Variants in GDF1 observed in about 807,000 individuals in gnomAD.
The protein encoded by GDF1 is embryonic growth/differentiation factor 1.
Under a neutral mutation model 7.4 loss-of-function variants are expected in GDF1, and 8 were observed. That is an observed-to-expected ratio of 1.09 (90% CI 0.64 to 1.96). GDF1 has a LOEUF of 1.96. GDF1 is among the 30% of genes most tolerant of loss of function. The pLI is 0.00. For synonymous variants in GDF1, 311 were observed against 276.7 expected (o/e 1.12, Z -1.23); for missense variants, 574 against 551.5 (o/e 1.04, Z -0.41).
chr19:18,877,071 T>C (rs914178779), intron 6 of GDF1, among the ~76,000 whole-genome samples: 2 of 152,228 alleles, frequency 1.3e-5, no homozygotes, highest in Non-Finnish European at 2.9e-5. Flanking sequence ...TCCTGTTTTA[T>C]ACCCAACTGC....
Position 18,869,227 on chromosome 19 carries a change from C to T in GDF1, c.489G>A (p.Trp163Ter). The T allele has an allele frequency of 7.2e-7, 1 of 1,381,314 alleles. No homozygotes were observed. The highest frequency in any genetic ancestry group is 9.3e-7 in the Non-Finnish European group (1 of 1,078,522). The allele number at this position is 1,381,314 out of a possible 1,614,324, so 85.6% of individuals were successfully genotyped here. A position where few individuals can be genotyped will look rare whatever the true frequency, so the allele number is the denominator to read the frequency against. Reference protein sequence around the residue: ...AAAAAAPEGGWELSVAQAGQG... With the variant: ...AAAAAAPEGG ...GGCCCGCTTGCGCCACGCTCAGCTC[C>T]CAGCCGCCCTCCGGGGCTGCCGCCG... Residue 163 changes from tryptophan (W) to a stop codon, truncating the protein, a stop_gained, in exon 8 of 8, where the codon TGG (tryptophan) becomes TGA (stop). Coordinates refer to ENST00000247005, the MANE Select transcript of GDF1 (RefSeq NM_001492.6). LOFTEE classifies it low-confidence loss of function (END_TRUNC).
At chr19:18,873,790 G>A (rs1371040788) in intron 6 of GDF1, among the ~76,000 whole-genome samples, 9 of 148,850 alleles carry the variant, frequency 6.0e-5, no homozygotes, top group Non-Finnish European at 1.5e-5. Flanking sequence ...GCAGTGAGCC[G>A]AGATCTCACC....
In GDF1 at chr19:18,870,372, G is replaced by A. The variant is rs2145989963; in HGVS notation, c.-65C>T. 1 of 1,530,884 alleles carries A rather than the reference G, an allele frequency of 6.5e-7. No individual in the cohort carries two copies. The allele number at this position is 1,530,884 out of a possible 1,614,324, so 94.8% of individuals were successfully genotyped here. A position where few individuals can be genotyped will look rare whatever the true frequency, so the allele number is the denominator to read the frequency against. On this transcript the variant is annotated 5_prime_UTR_variant, in exon 7 of 8. Coordinates refer to ENST00000247005, the MANE Select transcript of GDF1 (RefSeq NM_001492.6). The surrounding 1 kb of genome is among the most constrained non-coding windows in gnomAD (Gnocchi z 5.1). The stretch of plus-strand genomic sequence containing the variant: ...CGGCGGCCCGGGACCAGTGGGCTGA[G>A]GGCGGGGCCGGTGTCCCCGGAGGGG...
In GDF1 at chr19:18,893,572, G is replaced by C; in HGVS notation, c.-1070C>G. 2 of 1,607,098 alleles carry C rather than the reference G, an allele frequency of 1.2e-6. No individual in the cohort carries two copies. Among genetic ancestry groups the C allele is most frequent in the Non-Finnish European group, 1.7e-6 (2 of 1,177,672 alleles). ...GGCTGGAGGCAGCACCGCTTCGCCA[G>C]GGGCTATGGGGGAGAAGACAGGCGG... On this transcript the variant is annotated 5_prime_UTR_variant, in exon 2 of 8. Transcript: ENST00000247005.
chr19:18,870,000 C>T lies in GDF1; in HGVS notation c.308G>A (p.Arg103His). 6.3e-7 allele frequency: 1 copy of T among 1,595,504 alleles called. No individual in the cohort carries two copies. The change falls in exon 7 of 8, where the codon CGC (arginine) becomes CAC (histidine). Residue 103 changes from arginine to histidine, a missense_variant. Physicochemically the swap from Arg to His is conservative, Grantham distance 29. Transcript: ENST00000247005. ...EELGVAGNIV[R>H]HIPDRGAPTR... ...CCACTCACCGCGGTCCGGGATGTGG[C>T]GCACGATGTTTCCGGCGACCCCCAG...
chr19:18,882,612 G>A (rs1459651921), intron 3 of GDF1, among the ~76,000 whole-genome samples: 2 of 151,228 alleles, frequency 1.3e-5, no homozygotes, highest in Non-Finnish European at 2.9e-5. Context: ...ACTCCAGCCT[G>A]GGCGACAGAG....
At chr19:18,884,386 G>A in intron 2 of GDF1, 119 bp from the exon 3 acceptor site, 1 of 891,248 alleles carries the variant, frequency 1.1e-6, no homozygotes, top group South Asian at 1.9e-5. Flanking sequence ...AACCATGCGT[G>A]TCTGACTGCT....
At position 18,870,276 on chromosome 19, in the gene GDF1, T is replaced by A. The variant is rs1310675843; in HGVS notation, c.32A>T (p.His11Leu). 41 of 1,547,780 alleles carry A rather than the reference T, an allele frequency of 2.6e-5. No homozygotes were observed. Among genetic ancestry groups the A allele is most frequent in the Non-Finnish European group, 3.5e-5 (40 of 1,148,644 alleles). MPPPQQGPCG[H>L]HLLLLLALLL... Reference sequence around the variant, plus strand: ...CAGGGCCAGGAGGAGGAGGAGGTGGTGGCCGCAGGGACCTTGCTGCGGCGG... The same window carrying A: ...CAGGGCCAGGAGGAGGAGGAGGTGGAGGCCGCAGGGACCTTGCTGCGGCGG... Residue 11 changes from histidine (H) to leucine (L), a missense_variant, in exon 7 of 8, where the codon CAC becomes CTC. By Grantham distance (99) the His-to-Leu change is moderately conservative (BLOSUM62 -3). Transcript: ENST00000247005. This position sits in a 1 kb window ranked among gnomAD's most constrained non-coding sequence, Gnocchi z 5.1.
rs1402410209 is a variant in GDF1 at position 18,869,909 on chromosome 19, C to T, written c.325+74G>A. On this transcript the variant is annotated intron_variant, in intron 7 of 7. Transcript: ENST00000247005. ...GACCCTCGGAGCTGCTCGGGCATCC[C>T]CGGGCCACTCTCGAGGCTCGCCCTG... is the stretch of plus-strand genomic sequence containing the variant. The T allele has an allele frequency of 2.1e-6, 3 of 1,451,738 alleles. No individual in the cohort carries two copies. In the East Asian group the frequency reaches 7.4e-5, roughly 36 times the overall value. The allele number at this position is 1,451,738 out of a possible 1,614,324, so 89.9% of individuals were successfully genotyped here. A position where few individuals can be genotyped will look rare whatever the true frequency, so the allele number is the denominator to read the frequency against.
At chr19:18,872,559 A>AG (rs1314728217) in intron 6 of GDF1, among the ~76,000 whole-genome samples, 7 of 147,652 alleles carry the variant, frequency 4.7e-5, no homozygotes, top group Middle Eastern at 3.6e-3. Context: ...CTTGTCCCCC[A>AG]GGCGGGAATG....
rs760913694 is a variant in GDF1, at chr19:18,884,072, C to T, written c.-733+15G>A. On this transcript the variant is annotated intron_variant, in intron 3 of 7. Transcript: ENST00000247005. ...GGCTGTGCCTCGGCCCCCTGCCACCCGATCCTGTCCTTACCGGAAGGCGTA... is the reference window on the plus strand; with the variant it reads ...GGCTGTGCCTCGGCCCCCTGCCACCTGATCCTGTCCTTACCGGAAGGCGTA... 73 of 1,604,480 alleles carry T rather than the reference C, an allele frequency of 4.5e-5. No individual in the cohort carries two copies. Among genetic ancestry groups the T allele is most frequent in the Middle Eastern group, 1.7e-4 (1 of 6,048 alleles).
In GDF1 at chr19:18,870,563, C is replaced by T; in HGVS notation, c.-256G>A. The T allele has an allele frequency of 6.8e-6, 1 of 147,964 alleles. No homozygotes were observed. 9.2% of individuals were successfully genotyped at this position (147,964 alleles called of 1,614,324 possible). On this transcript the variant is annotated 5_prime_UTR_variant, in exon 7 of 8. Coordinates refer to ENST00000247005, the MANE Select transcript of GDF1 (RefSeq NM_001492.6). This position sits in a 1 kb window ranked among gnomAD's most constrained non-coding sequence, Gnocchi z 5.1. ...CGGGGTGGGGCCGGGTCCACGGGGGCGGGGCCGAGGGGTTCAGAAGCGCTT... is the reference window on the plus strand; with the variant it reads ...CGGGGTGGGGCCGGGTCCACGGGGGTGGGGCCGAGGGGTTCAGAAGCGCTT...
chr19:18,880,209 T>C, intron 4 of GDF1, 65 bp downstream of exon 4: 6 of 1,463,304 alleles, frequency 4.1e-6, no homozygotes, highest in Non-Finnish European at 5.5e-6. Flanking sequence ...TCCCGCCCCT[T>C]TTCTGGACAC....
chr19:18,894,020 G>A (rs1357777430), intron 1 of GDF1, among the ~76,000 whole-genome samples: 1 of 151,622 alleles, frequency 6.6e-6, no homozygotes, highest in Non-Finnish European at 1.5e-5. Context: ...TTGTGAGGAA[G>A]CCGCCCCCTC....
intron 3 of GDF1, chr19:18,881,650 C>T (rs1262944906): frequency 6.6e-6 from 1 of 152,264 alleles, no homozygotes; most frequent in African/African-American, 2.4e-5. Flanking sequence ...AGTCCCTGTT[C>T]CTTGCTCTGT....
chr19:18,890,651 C>T (rs924530013), intron 2 of GDF1, among the ~76,000 whole-genome samples: 8 of 151,402 alleles, frequency 5.3e-5, no homozygotes, highest in Non-Finnish European at 1.2e-4. Flanking sequence ...GGTGGTGGCA[C>T]ACACCTGTGG....
Position 18,885,523 on chromosome 19 carries a change from T to G in GDF1, c.-913-1256A>C, listed in dbSNP as rs12608781. On this transcript the variant is annotated intron_variant, in intron 2 of 7. Transcript: ENST00000247005. The stretch of plus-strand genomic sequence containing the variant: ...AGCGCCCCTTCTCGTTTTTTTTTTT[T>G]TTTTTTTTTTTTTTGAGATGGAGTC... 1.1e-3 allele frequency among the ~76,000 whole-genome samples: 83 copies of G among 72,486 alleles called. 1 individual carries two copies. The highest frequency in any genetic ancestry group is 0.013 in the Middle Eastern group (1 of 80). The allele number at this position is 72,486 out of a possible 152,430, so 47.6% of individuals were successfully genotyped here. A position where few individuals can be genotyped will look rare whatever the true frequency, so the allele number is the denominator to read the frequency against.
chr19:18,883,570 G>T (rs1250065616), intron 3 of GDF1, among the ~76,000 whole-genome samples: 1 of 152,150 alleles, frequency 6.6e-6, no homozygotes, highest in African/African-American at 2.4e-5. Flanking sequence ...GGGTGGATAA[G>T]ATATTTTCAC....
Position 18,896,048 on chromosome 19 carries a change from C to A in GDF1, c.-1298G>T. On this transcript the variant is annotated 5_prime_UTR_variant, in exon 1 of 8. Transcript: ENST00000247005. The surrounding 1 kb of genome is among the most constrained non-coding windows in gnomAD (Gnocchi z 5.9). The stretch of plus-strand genomic sequence containing the variant: ...GGCATGGGCTCGGGCCCCGTCGGCC[C>A]CGCCGCGGGCCCCGCCGCCGCCATA... 1 of 986,458 alleles carries A rather than the reference C, an allele frequency of 1.0e-6. No individual in the cohort carries two copies. The highest frequency in any genetic ancestry group is 4.5e-5 in the South Asian group (1 of 22,002). 61.1% of individuals were successfully genotyped at this position (986,458 alleles called of 1,614,324 possible). A position where few individuals can be genotyped will look rare whatever the true frequency, so the allele number is the denominator to read the frequency against.
Sources: gnomAD v4.1 joint callset for allele counts (sites outside exome capture counted in the v4.1 genomes callset) on GRCh38, gnomAD v4.1.1 for gene constraint, Gnocchi (gnomAD v3.1) non-coding constraint, MANE v1.5 for transcripts, NCBI Gene and HGNC (gene_info 2026-07-23, HGNC 2026-07-21) for gene names.